The following ASXL3 variants were observed in gnomAD, a reference collection of about 807,000 sequenced individuals.
The protein encoded by ASXL3 is ASXL transcriptional regulator 3.
In ASXL3, 34 loss-of-function variants were observed where a neutral mutation model predicts 170.6. The ratio of observed to expected loss-of-function variants is 0.20; its 90% CI spans 0.15 to 0.27. The LOEUF (loss-of-function observed/expected upper bound fraction) is 0.27. Ranked by LOEUF, ASXL3 falls within the 10% of genes least tolerant of loss-of-function variation. ASXL3 has a pLI of 1.00. For synonymous variants in ASXL3, 1,002 were observed against 989.1 expected (o/e 1.01, Z -0.24); for missense variants, 2,592 against 2,695.3 (o/e 0.96, Z 0.85).
At chr18:33,584,014 A>T (rs2065014349) in intron 1 of ASXL3, among the ~76,000 whole-genome samples, 1 of 152,198 alleles carries the variant, frequency 6.6e-6, no homozygotes, top group Non-Finnish European at 1.5e-5. Flanking sequence ...TCTGTAGGTG[A>T]CACATGAGTG....
At chr18:33,608,700 A>G (rs1297603597) in intron 2 of ASXL3, among the ~76,000 whole-genome samples, 2 of 152,070 alleles carry the variant, frequency 1.3e-5, no homozygotes, top group East Asian at 3.9e-4. Context: ...AGCATACAGT[A>G]GTTGCAACTT....
chr18:33,706,760 T>C (rs182988954), intron 8 of ASXL3, among the ~76,000 whole-genome samples: 2 of 151,822 alleles, frequency 1.3e-5, no homozygotes, highest in African/African-American at 4.8e-5. Flanking sequence ...TGGTATCTTC[T>C]TATGTTGTGG....
chr18:33,708,584 GGGAT>G (rs1461664887), intron 8 of ASXL3, among the ~76,000 whole-genome samples: 5 of 152,038 alleles, frequency 3.3e-5, no homozygotes, highest in African/African-American at 9.7e-5. Flanking sequence ...TCTGTGGTGG[GGGAT>G]GGACTTGGGG....
intron 8 of ASXL3, among the ~76,000 whole-genome samples, chr18:33,731,408 T>C (rs1390152561): frequency 2.0e-5 from 3 of 152,162 alleles, no homozygotes; most frequent in African/African-American, 7.2e-5. Flanking sequence ...GATAGTTCAT[T>C]ATGTTCTGCT....
chr18:33,738,467 T>C lies in ASXL3; in HGVS notation c.1083-20T>C. Reference sequence around the variant, plus strand: ...TATGTTTTGTGGTTGAGCAATAATTTATTTCTAATTTCTGTACAGGCTGGG... The same window carrying C: ...TATGTTTTGTGGTTGAGCAATAATTCATTTCTAATTTCTGTACAGGCTGGG... On this transcript the variant is annotated intron_variant, in intron 10 of 11. Coordinates refer to ENST00000269197, the MANE Select transcript of ASXL3 (RefSeq NM_030632.3). 1 of 1,568,414 alleles carries C rather than the reference T, an allele frequency of 6.4e-7. No homozygotes were observed. The highest frequency in any genetic ancestry group is 8.6e-7 in the Non-Finnish European group (1 of 1,158,250).
At position 33,744,838 on chromosome 18, in the gene ASXL3, G is replaced by C. The variant is rs371631443; in HGVS notation, c.4990G>C (p.Val1664Leu). Reference protein sequence around the residue: ...ELHPRNLVTNVALPVKSELHE... With the variant: ...ELHPRNLVTNLALPVKSELHE... ...TCATCCCAGGAATCTTGTAACAAAT[G>C]TTGCTCTTCCTGTGAAATCTGAACT... The change falls in exon 12 of 12, where the codon GTT (valine) becomes CTT (leucine). Residue 1664 changes from valine (V) to leucine (L), a missense_variant. Around this residue, in one of 4 missense-constraint regions of ASXL3, gnomAD observed 2,246 missense variants for 2,219.6 expected, o/e 1.01. Coordinates refer to ENST00000269197, the MANE Select transcript of ASXL3 (RefSeq NM_030632.3). 2.5e-6 allele frequency: 4 copies of C among 1,613,926 alleles called. No homozygotes were observed. The highest frequency in any genetic ancestry group is 1.3e-5 in the African/African-American group (1 of 74,940).
At chr18:33,671,646 A>G (rs952498648) in intron 6 of ASXL3, 101 bp from the exon 7 acceptor site, 14 of 1,075,842 alleles carry the variant, frequency 1.3e-5, no homozygotes, top group Non-Finnish European at 1.3e-5. Flanking sequence ...TATTAACTCT[A>G]GAAAAGGAGA....
chr18:33,669,951 G>A (rs1016842141), intron 5 of ASXL3, among the ~76,000 whole-genome samples: 3 of 152,124 alleles, frequency 2.0e-5, no homozygotes, highest in African/African-American at 7.2e-5. Context: ...TATCATCACC[G>A]TGGTCGATTC....
chr18:33,600,042 T>C (rs1367538974), intron 1 of ASXL3, among the ~76,000 whole-genome samples: 2 of 152,314 alleles, frequency 1.3e-5, no homozygotes, highest in African/African-American at 4.8e-5. Context: ...TTTTAGCTCA[T>C]TTATTTTAAT....
intron 2 of ASXL3, among the ~76,000 whole-genome samples, chr18:33,625,314 T>C (rs555199708): frequency 6.6e-6 from 1 of 152,296 alleles, no homozygotes; most frequent in East Asian, 1.9e-4. Context: ...TACTTAGACA[T>C]CTTTAGCCAA....
In ASXL3 at chr18:33,745,093, C is replaced by T. The variant is rs1234123188; in HGVS notation, c.5245C>T (p.Leu1749=). 3.1e-6 allele frequency: 5 copies of T among 1,614,016 alleles called. No homozygotes were observed. Among genetic ancestry groups the T allele is most frequent in the Non-Finnish European group, 4.2e-6 (5 of 1,179,890 alleles). Residue 1749 remains leucine, a synonymous_variant, in exon 12 of 12, where the codon CTG becomes TTG. Transcript: ENST00000269197. ...GTCCTCTGTGGAGGCTAACAATCCGCTGGTGACGCAGTTACTACAGGGCAA... is the reference window on the plus strand; with the variant it reads ...GTCCTCTGTGGAGGCTAACAATCCGTTGGTGACGCAGTTACTACAGGGCAA... ...RLSSVEANNP[L]VTQLLQGNLP... is the part of the protein sequence containing the mutation.
chr18:33,620,309 A>G (rs1281437490), intron 2 of ASXL3, among the ~76,000 whole-genome samples: 1 of 152,138 alleles, frequency 6.6e-6, no homozygotes, highest in Non-Finnish European at 1.5e-5. Flanking sequence ...GTAGCTAGAA[A>G]TAGAAAATTG....
intron 8 of ASXL3, among the ~76,000 whole-genome samples, chr18:33,730,269 C>A (rs968378408): frequency 6.6e-6 from 1 of 152,146 alleles, no homozygotes; most frequent in African/African-American, 2.4e-5. Flanking sequence ...CCCCAAATGA[C>A]AAGAGTGCCA....
At chr18:33,629,101 C>T (rs889707337) in intron 2 of ASXL3, among the ~76,000 whole-genome samples, 6 of 152,048 alleles carry the variant, frequency 3.9e-5, no homozygotes, top group African/African-American at 1.4e-4. Flanking sequence ...AACAATCCCC[C>T]CACACGCCAA....
intron 8 of ASXL3, among the ~76,000 whole-genome samples, chr18:33,704,837 A>T (rs1035246412): frequency 1.2e-4 from 18 of 151,932 alleles, no homozygotes; most frequent in African/African-American, 3.1e-4. Context: ...TGAGTATAGA[A>T]AGGTTGTTTT....
chr18:33,587,877 TC>T (rs2065047148), intron 1 of ASXL3, among the ~76,000 whole-genome samples: 1 of 152,180 alleles, frequency 6.6e-6, no homozygotes, highest in South Asian at 2.1e-4. Flanking sequence ...TTATTTTTTA[TC>T]CTTAGTACTT....
chr18:33,689,961 GT>G (rs1396225217), intron 8 of ASXL3, among the ~76,000 whole-genome samples: 3 of 151,720 alleles, frequency 2.0e-5, no homozygotes, highest in Non-Finnish European at 4.4e-5. Context: ...CCCACATTTG[GT>G]CCACAAGAGC....
intron 8 of ASXL3, among the ~76,000 whole-genome samples, chr18:33,698,440 C>T (rs966942637): frequency 6.6e-6 from 1 of 152,060 alleles, no homozygotes; most frequent in African/African-American, 2.4e-5. Context: ...CGTGTTGGAT[C>T]TGAGGTGCAT....
intron 8 of ASXL3, among the ~76,000 whole-genome samples, chr18:33,697,475 T>G (rs1486444035): frequency 6.6e-6 from 1 of 152,094 alleles, no homozygotes; most frequent in Non-Finnish European, 1.5e-5. Flanking sequence ...TTGATGCAGT[T>G]GAATTTTTGG....
Sources: allele counts gnomAD v4.1 joint callset (sites outside exome capture counted in the v4.1 genomes callset), GRCh38; gene constraint gnomAD v4.1.1; regional missense constraint gnomAD v4.1.1; transcripts MANE v1.5; gene names NCBI Gene and HGNC (gene_info 2026-07-23, HGNC 2026-07-21).